CPNE5: variants seen among roughly 807,000 people sequenced by gnomAD.
CPNE5 encodes copine-5.
A neutral mutation model predicts 81.1 loss-of-function variants in CPNE5; 42 were observed. The ratio of observed to expected loss-of-function variants is 0.52; its 90% confidence interval spans 0.40 to 0.67. The LOEUF is 0.67. Among genes scored for constraint, CPNE5 ranks in the 30% least tolerant of loss-of-function variants. The pLI, the probability that CPNE5 is intolerant of heterozygous loss-of-function variation, is 0.00. For missense variants in CPNE5, 612 were observed against 815.5 expected (o/e 0.75, Z 3.04); for synonymous variants, 313 against 321.5 (o/e 0.97, Z 0.28).
chr6:36,827,755 G>A (rs1404789309), intron 1 of CPNE5: 9 of 985,222 alleles, frequency 9.1e-6, no homozygotes, highest in South Asian at 9.4e-5. Context: ...CGGGTCTTCC[G>A]CCCTGACGAA....
At chr6:36,764,257 C>T (rs940512728) in intron 11 of CPNE5, among the ~76,000 whole-genome samples, 3 of 151,874 alleles carry the variant, frequency 2.0e-5, no homozygotes, top group African/African-American at 4.8e-5. Flanking sequence ...CAGGGTAAGA[C>T]GAGGCAAATT....
intron 1 of CPNE5, among the ~76,000 whole-genome samples, chr6:36,833,962 C>T (rs181398949): frequency 6.6e-6 from 1 of 152,044 alleles, no homozygotes; most frequent in African/African-American, 2.4e-5. Flanking sequence ...GTGGCTCACA[C>T]CTAATCCCAG....
chr6:36,742,959 G>T, intron 20 of CPNE5: 1 of 985,354 alleles, frequency 1.0e-6, no homozygotes, highest in Non-Finnish European at 1.2e-6. Context: ...CTTCCCGGGG[G>T]TGCCCTCCAT....
At chr6:36,812,015 A>G (rs970185902) in intron 3 of CPNE5, among the ~76,000 whole-genome samples, 8 of 152,122 alleles carry the variant, frequency 5.3e-5, no homozygotes, top group Admixed American at 1.3e-4. Flanking sequence ...GAGGCAGGAG[A>G]ATTGCTTGGA....
rs201426599 is a variant in CPNE5 at position 36,744,340 on chromosome 6, G to A, written c.1432-15C>T. 2.5e-6 allele frequency: 4 copies of A among 1,574,792 alleles called. No homozygotes were observed. The highest frequency in any genetic ancestry group is 1.9e-5 in the Admixed American group (1 of 52,516). ...AGCTTGGCAGCCTGGGAGACAGCATGGGGGGCAGGGAAAGGTTGGACCCAA... is the reference window on the plus strand; with the variant it reads ...AGCTTGGCAGCCTGGGAGACAGCATAGGGGGCAGGGAAAGGTTGGACCCAA... On this transcript the variant is annotated splice_polypyrimidine_tract_variant and intron_variant, in intron 18 of 20. Transcript: ENST00000244751.
In CPNE5 at chr6:36,798,390, G is replaced by A; in HGVS notation, c.327+65C>T. 2.6e-6 allele frequency: 4 copies of A among 1,566,406 alleles called. No individual in the cohort carries two copies. In the East Asian group the frequency reaches 6.7e-5, roughly 26 times the overall value. On this transcript the variant is annotated intron_variant, in intron 5 of 20. Coordinates refer to ENST00000244751, the MANE Select transcript of CPNE5 (RefSeq NM_020939.2). The stretch of plus-strand genomic sequence containing the variant: ...CACATTCCATCACAGCAAAGCCCCA[G>A]GCTCACCCAGAGGATGGCATTTCAG...
At position 36,793,920 on chromosome 6, in the gene CPNE5, C is replaced by T. The variant is rs138040621; in HGVS notation, c.464+670G>A. Among the ~76,000 whole-genome samples, 347 of 152,262 alleles carry T rather than the reference C, an allele frequency of 2.3e-3. 1 individual carries two copies. The highest frequency in any genetic ancestry group is 7.6e-3 in the African/African-American group (314 of 41,560). The stretch of plus-strand genomic sequence containing the variant: ...CACCCCCACCTCCAGCCCCAGTGGG[C>T]GAGTGGGCGTGAGAAAGAAGCCAGG... On this transcript the variant is annotated intron_variant, in intron 7 of 20. Coordinates refer to ENST00000244751, the MANE Select transcript of CPNE5 (RefSeq NM_020939.2).
intron 9 of CPNE5, among the ~76,000 whole-genome samples, 171 bp from the exon 10 acceptor site, chr6:36,775,236 C>T (rs1043119160): frequency 1.3e-5 from 2 of 152,170 alleles, no homozygotes; most frequent in East Asian, 1.9e-4. Flanking sequence ...TGATACTAGG[C>T]GGCCATTTGC....
At chr6:36,819,090 C>A (rs1051927348) in intron 3 of CPNE5, among the ~76,000 whole-genome samples, 1 of 152,184 alleles carries the variant, frequency 6.6e-6, no homozygotes, top group Non-Finnish European at 1.5e-5. Context: ...ATATTTCTCA[C>A]ATTTTTTTTG....
intron 3 of CPNE5, among the ~76,000 whole-genome samples, chr6:36,802,393 C>T (rs1406260298): frequency 6.6e-6 from 1 of 152,002 alleles, no homozygotes; most frequent in African/African-American, 2.4e-5. Flanking sequence ...GAGGGTGATA[C>T]TGCAGTGAGC....
Position 36,768,097 on chromosome 6 carries a change from G to A in CPNE5, c.738-2721C>T, listed in dbSNP as rs1053540296. Among the ~76,000 whole-genome samples the A allele has an allele frequency of 1.1e-4, 16 of 152,130 alleles. No homozygotes were observed. The South Asian group carries it at 3.1e-3, about 30-fold the overall frequency. On this transcript the variant is annotated intron_variant, in intron 10 of 20. Transcript: ENST00000244751. The stretch of plus-strand genomic sequence containing the variant: ...GCTCCAGGGATGGCTGCAGCCTGGG[G>A]GTCAGATTAGCTCAAAGTCTGCACC...
In CPNE5 at chr6:36,796,035, G is replaced by A. The variant is rs368664306; in HGVS notation, c.405-1386C>T. On this transcript the variant is annotated intron_variant, in intron 6 of 20. Coordinates refer to ENST00000244751, the MANE Select transcript of CPNE5 (RefSeq NM_020939.2). ...GTAATCTCAGCTCACTGCAACCTCC[G>A]CCTCCTGGGTTCAAGCGATTCTCCT... 1.6e-4 allele frequency among the ~76,000 whole-genome samples: 24 copies of A among 152,116 alleles called. No homozygotes were observed. The South Asian group carries it at 2.5e-3, about 16-fold the overall frequency.
intron 3 of CPNE5, among the ~76,000 whole-genome samples, chr6:36,801,069 C>T (rs1286643987): frequency 1.3e-5 from 2 of 152,240 alleles, no homozygotes; most frequent in African/African-American, 4.8e-5. Flanking sequence ...CTGTTTAAAC[C>T]ACTAAATTCT....
rs537771675 is a variant in CPNE5 at position 36,810,956 on chromosome 6, C to T, written c.184-10886G>A. ...CCTGGTCAGAGAAGCCTCCCTATCTCGCCCAGAGACCAGGGTCAGGGTATG... is the reference window on the plus strand; with the variant it reads ...CCTGGTCAGAGAAGCCTCCCTATCTTGCCCAGAGACCAGGGTCAGGGTATG... On this transcript the variant is annotated intron_variant, in intron 3 of 20. Transcript: ENST00000244751. 1.1e-3 allele frequency among the ~76,000 whole-genome samples: 161 copies of T among 152,316 alleles called. No homozygotes were observed. In the South Asian group the frequency reaches 0.016, roughly 15 times the overall value.
At chr6:36,834,643 G>A (rs1397755473) in intron 1 of CPNE5, among the ~76,000 whole-genome samples, 2 of 149,122 alleles carry the variant, frequency 1.3e-5, no homozygotes, top group African/African-American at 2.5e-5. Flanking sequence ...ATGACAGAAC[G>A]AGACTCCATC....
chr6:36,748,386 G>A lies in CPNE5; in HGVS notation c.972-119C>T. On this transcript the variant is annotated intron_variant, in intron 14 of 20. Coordinates refer to ENST00000244751, the MANE Select transcript of CPNE5 (RefSeq NM_020939.2). Reference sequence around the variant, plus strand: ...GCTGCTTGCCAGGTGTGTGGCCTTGGTGAAGTCATTCATCTCTTTCTAGTT... The same window carrying A: ...GCTGCTTGCCAGGTGTGTGGCCTTGATGAAGTCATTCATCTCTTTCTAGTT... 5 of 842,600 alleles carry A rather than the reference G, an allele frequency of 5.9e-6. No individual in the cohort carries two copies. In the South Asian group the frequency reaches 6.8e-5, roughly 12 times the overall value. The allele number at this position is 842,600 out of a possible 1,614,324, so 52.2% of individuals were successfully genotyped here.
At chr6:36,781,864 C>A (rs941100325) in intron 8 of CPNE5, among the ~76,000 whole-genome samples, 2 of 152,184 alleles carry the variant, frequency 1.3e-5, no homozygotes, top group South Asian at 4.2e-4. Flanking sequence ...ACAGAGGTGA[C>A]CCGCAGTGGC....
intron 10 of CPNE5, among the ~76,000 whole-genome samples, chr6:36,770,882 AT>A (rs142546816): frequency 0.015 from 2,320 of 152,250 alleles, 54 homozygotes; most frequent in African/African-American, 0.049. Flanking sequence ...TGGGTTTCAG[AT>A]AGGCTGTGAA....
intron 3 of CPNE5, among the ~76,000 whole-genome samples, chr6:36,807,270 G>A (rs1177407408): frequency 6.6e-6 from 1 of 152,180 alleles, no homozygotes; most frequent in Non-Finnish European, 1.5e-5. Flanking sequence ...AGGCCTCTGG[G>A]TTCAAATTTT....
Sources: allele counts gnomAD v4.1 joint callset (sites outside exome capture counted in the v4.1 genomes callset), GRCh38; gene constraint gnomAD v4.1.1; transcripts MANE v1.5; gene names NCBI Gene and HGNC (gene_info 2026-07-23, HGNC 2026-07-21).